The following CRACD variants were observed in gnomAD, a reference collection of about 807,000 sequenced individuals.
The protein encoded by CRACD is capping protein-inhibiting regulator of actin dynamics.
A neutral mutation model predicts 106.8 loss-of-function variants in CRACD; 56 were observed. The ratio of observed to expected loss-of-function variants is 0.52; its 90% CI spans 0.42 to 0.66. The LOEUF is 0.66. Among genes scored for constraint, CRACD ranks in the 30% least tolerant of loss-of-function variants. The pLI is 0.00. For missense variants in CRACD, 1,730 were observed against 1,623.2 expected (o/e 1.07, Z -1.13); for synonymous variants, 754 against 670.8 (o/e 1.12, Z -1.92).
At chr4:56,267,414 G>A (rs1396069795) in intron 2 of CRACD, among the ~76,000 whole-genome samples, 3 of 152,122 alleles carry the variant, frequency 2.0e-5, no homozygotes, top group Admixed American at 6.5e-5. Flanking sequence ...GAGCCACCAC[G>A]CCTGGCCAAT....
intron 4 of CRACD, among the ~76,000 whole-genome samples, chr4:56,306,733 C>T (rs1229548885): frequency 1.3e-5 from 2 of 152,140 alleles, no homozygotes; most frequent in Non-Finnish European, 2.9e-5. Context: ...ATTTAATCTT[C>T]CGAATTTCTA....
In CRACD at chr4:56,316,738, CAGGG is replaced by C; in HGVS notation, c.3187+50_3187+53del. 13 of 1,478,202 alleles carry C rather than the reference CAGGG, an allele frequency of 8.8e-6. No homozygotes were observed. The South Asian group carries it at 9.8e-5, about 11-fold the overall frequency. 91.6% of individuals were successfully genotyped at this position (1,478,202 alleles called of 1,614,324 possible). On this transcript the variant is annotated intron_variant, in intron 8 of 10. Transcript: ENST00000682029. ...CTGCTGCCAGCCGAGGTGTCAGAGC[CAGGG>C]CATCAAGAAGAGATCCACACGCAGG...
intron 1 of CRACD, among the ~76,000 whole-genome samples, chr4:56,058,984 T>G (rs1732177965): frequency 1.3e-5 from 2 of 152,228 alleles, no homozygotes; most frequent in Admixed American, 1.3e-4. Context: ...GAATGTTGGT[T>G]TATAAAAATA....
At chr4:56,320,130 C>T (rs995317918) in intron 8 of CRACD, among the ~76,000 whole-genome samples, 2 of 145,814 alleles carry the variant, frequency 1.4e-5, no homozygotes, top group African/African-American at 5.1e-5. Context: ...AGAGATTGTG[C>T]ACTGACTCCA....
intron 1 of CRACD, among the ~76,000 whole-genome samples, chr4:56,061,548 T>A (rs931789411): frequency 1.3e-5 from 2 of 151,898 alleles, no homozygotes; most frequent in Non-Finnish European, 2.9e-5. Flanking sequence ...GACAGTAATT[T>A]CCATGTCACT....
At chr4:56,071,347 G>A (rs1340290979) in intron 1 of CRACD, among the ~76,000 whole-genome samples, 8 of 152,090 alleles carry the variant, frequency 5.3e-5, no homozygotes, top group African/African-American at 1.7e-4. Context: ...AATTTCCTGT[G>A]GTGAAAGTAA....
At chr4:56,089,065 G>C (rs943170532) in intron 1 of CRACD, among the ~76,000 whole-genome samples, 8 of 152,108 alleles carry the variant, frequency 5.3e-5, no homozygotes, top group Admixed American at 5.2e-4. Flanking sequence ...TTTCACTAAC[G>C]AGTTAGAGAT....
chr4:56,239,719 A>AT (rs1428380183), intron 2 of CRACD, among the ~76,000 whole-genome samples: 2 of 152,166 alleles, frequency 1.3e-5, no homozygotes, highest in East Asian at 3.9e-4. Context: ...AACCTTTGTG[A>AT]TAACAAAGTT....
At chr4:56,262,106 A>C (rs563796234) in intron 2 of CRACD, among the ~76,000 whole-genome samples, 368 of 152,328 alleles carry the variant, frequency 2.4e-3, no homozygotes, top group Middle Eastern at 0.014. Context: ...GAAATACATC[A>C]ATACAATAAA....
rs199911873 is a variant in CRACD at position 56,314,954 on chromosome 4, A to G, written c.1452A>G (p.Glu484=). ...GTCCTGGGCCCGAGGAAAAGAGAGA[A>G]GAAGGGGACACGGAGCCTCTCCTGA... ...ADRPGPEEKR[E]EGDTEPLLKQ... The change falls in exon 8 of 11, where the codon GAA becomes GAG. Residue 484 remains glutamate (E), a synonymous_variant. Coordinates refer to ENST00000682029, the MANE Select transcript of CRACD (RefSeq NM_001393381.1). This position sits in a 1 kb window ranked among gnomAD's most constrained non-coding sequence, Gnocchi z 4.4. The G allele has an allele frequency of 5.1e-5, 81 of 1,593,262 alleles. No individual in the cohort carries two copies. In the African/African-American group the frequency reaches 8.9e-4, roughly 18 times the overall value.
At chr4:56,141,276 G>A (rs1313294010) in intron 1 of CRACD, among the ~76,000 whole-genome samples, 4 of 152,258 alleles carry the variant, frequency 2.6e-5, no homozygotes, top group East Asian at 3.9e-4. Context: ...GATGCAGTGG[G>A]GCAAGCTGAT....
At chr4:56,074,125 C>G (rs1306977170) in intron 1 of CRACD, among the ~76,000 whole-genome samples, 3 of 133,286 alleles carry the variant, frequency 2.3e-5, no homozygotes, top group Non-Finnish European at 4.8e-5. Flanking sequence ...CATGATGCCT[C>G]TAGCTTTGTT....
chr4:56,231,980 CAAAAAA>C (rs1460425316), intron 2 of CRACD, among the ~76,000 whole-genome samples: 2 of 152,218 alleles, frequency 1.3e-5, no homozygotes, highest in South Asian at 2.1e-4. Flanking sequence ...TAAGGATGTA[CAAAAAA>C]TATTAGTGAG....
intron 3 of CRACD, among the ~76,000 whole-genome samples, chr4:56,286,933 A>G (rs1389924567): frequency 6.6e-6 from 1 of 152,212 alleles, no homozygotes; most frequent in South Asian, 2.1e-4. Context: ...TGCTGCTGGC[A>G]TGCTTATTAG....
chr4:56,157,029 A>G (rs1475597515), intron 1 of CRACD, among the ~76,000 whole-genome samples: 3 of 150,940 alleles, frequency 2.0e-5, no homozygotes, highest in South Asian at 4.1e-4. Flanking sequence ...ACTAGTAAAT[A>G]TGATAAACCT....
intron 2 of CRACD, among the ~76,000 whole-genome samples, chr4:56,250,117 C>T (rs1186956307): frequency 6.6e-6 from 1 of 151,900 alleles, no homozygotes; most frequent in Non-Finnish European, 1.5e-5. Flanking sequence ...ATTCTTTTTC[C>T]TCTTTATTTT....
Position 56,218,058 on chromosome 4 carries a change from C to G in CRACD, c.-189+38628C>G, listed in dbSNP as rs573219496. On this transcript the variant is annotated intron_variant, in intron 2 of 10. Transcript: ENST00000682029. ...TTACGTTGTCTTTCTCTAGGTGTGTCTTTGTCTCCCAATTTCCCCTTTTTA... is the reference window on the plus strand; with the variant it reads ...TTACGTTGTCTTTCTCTAGGTGTGTGTTTGTCTCCCAATTTCCCCTTTTTA... Among the ~76,000 whole-genome samples the G allele has an allele frequency of 2.0e-5, 3 of 152,084 alleles. No homozygotes were observed. In the Middle Eastern group the frequency reaches 0.01, roughly 517 times the overall value.
intron 1 of CRACD, among the ~76,000 whole-genome samples, chr4:56,083,370 A>G (rs1733100992): frequency 6.6e-6 from 1 of 152,196 alleles, no homozygotes; most frequent in African/African-American, 2.4e-5. Context: ...GTGAAGATAA[A>G]AGGCTGCCAA....
At chr4:56,214,587 C>G (rs1156946592) in intron 2 of CRACD, among the ~76,000 whole-genome samples, 1 of 146,414 alleles carries the variant, frequency 6.8e-6, no homozygotes, top group South Asian at 2.2e-4. Flanking sequence ...GTGAGACTGT[C>G]TCAAGGAGAA....
Sources: allele counts gnomAD v4.1 joint callset (sites outside exome capture counted in the v4.1 genomes callset), GRCh38; gene constraint gnomAD v4.1.1; non-coding constraint Gnocchi (gnomAD v3.1); transcripts MANE v1.5; gene names NCBI Gene and HGNC (gene_info 2026-07-23, HGNC 2026-07-21).